Variants in PJA2 observed in about 807,000 individuals in gnomAD.
PJA2 encodes the protein E3 ubiquitin-protein ligase Praja-2.
A neutral mutation model predicts 69.3 loss-of-function variants in PJA2; 25 were observed. The ratio of observed to expected loss-of-function variants is 0.36; its 90% CI spans 0.26 to 0.50. The LOEUF (loss-of-function observed/expected upper bound fraction) is 0.50. Among genes scored for constraint, PJA2 ranks in the 20% least tolerant of loss-of-function variants. The pLI is 0.96. For missense variants in PJA2, 809 were observed against 830.2 expected, an observed-to-expected ratio of 0.97 and a Z score of 0.31; for synonymous variants, 308 against 277.8, an observed-to-expected ratio of 1.11 and a Z score of -1.08.
chr5:109,395,583 T>C (rs932060697), intron 1 of PJA2, among the ~76,000 whole-genome samples: 9 of 152,188 alleles, frequency 5.9e-5, no homozygotes, highest in East Asian at 1.9e-4. Flanking sequence ...CAGGTCTTAA[T>C]AGAAATTTCT....
intron 3 of PJA2, among the ~76,000 whole-genome samples, chr5:109,380,034 T>C (rs1010884484): frequency 1.3e-5 from 2 of 151,824 alleles, no homozygotes; most frequent in African/African-American, 4.8e-5. Context: ...TAACTGAAGT[T>C]CGGCCATGAT....
intron 6 of PJA2, 37 bp from the exon 7 acceptor site, chr5:109,356,063 C>G: frequency 7.1e-7 from 1 of 1,410,426 alleles, no homozygotes; most frequent in Non-Finnish European, 9.9e-7. Flanking sequence ...AAACTCACCA[C>G]TATGATTTGG....
rs1306309041 is a variant in PJA2 at position 109,378,494 on chromosome 5, T to C, written c.993A>G (p.Thr331=). The change falls in exon 4 of 10, where the codon ACA becomes ACG. Residue 331 remains threonine (T), a synonymous_variant. Coordinates refer to ENST00000361189, the MANE Select transcript of PJA2 (RefSeq NM_014819.5). The part of the protein sequence containing the change: ...LISSSQVDQE[T]GFNRHEAKQR... ...GTTTCGCCTCATGCCTATTAAAACC[T>C]GTTTCTTGGTCCACCTGGCTTGAAC... 3 of 1,614,070 alleles carry C rather than the reference T, an allele frequency of 1.9e-6. No homozygotes were observed. In the African/African-American group the frequency reaches 4.0e-5, roughly 22 times the overall value.
At chr5:109,370,773 C>CT (rs1400988260) in intron 4 of PJA2, among the ~76,000 whole-genome samples, 3 of 152,066 alleles carry the variant, frequency 2.0e-5, no homozygotes, top group Non-Finnish European at 4.4e-5. Context: ...ATTTTAATGT[C>CT]TTTAACAATT....
At chr5:109,343,296 AGAAAG>A (rs1762113309) in intron 9 of PJA2, among the ~76,000 whole-genome samples, 11 of 53,132 alleles carry the variant, frequency 2.1e-4, no homozygotes, top group African/African-American at 3.5e-4. Context: ...AAAAAAAGAA[AGAAAG>A]AAAGAAAGAA....
chr5:109,383,548 A>T (rs886944876), intron 1 of PJA2, 28 bp from the exon 2 acceptor site: 3 of 819,688 alleles, frequency 3.7e-6, no homozygotes, highest in African/African-American at 1.7e-5. Flanking sequence ...ATTGAACAAT[A>T]TATTAATAAA....
At chr5:109,386,780 A>C (rs561042103) in intron 1 of PJA2, among the ~76,000 whole-genome samples, 8 of 152,072 alleles carry the variant, frequency 5.3e-5, no homozygotes, top group Non-Finnish European at 1.0e-4. Flanking sequence ...AGACAAAATC[A>C]TTTTTTCTAA....
At chr5:109,380,606 G>A (rs1747019574) in intron 3 of PJA2, among the ~76,000 whole-genome samples, 1 of 151,824 alleles carries the variant, frequency 6.6e-6, no homozygotes, top group African/African-American at 2.4e-5. Context: ...TCAGGAGTTC[G>A]AGACCAGCCT....
intron 2 of PJA2, among the ~76,000 whole-genome samples, chr5:109,382,451 C>T (rs1747072172): frequency 6.6e-6 from 1 of 152,174 alleles, no homozygotes; most frequent in Non-Finnish European, 1.5e-5. Flanking sequence ...ATTATACACA[C>T]ACATATATAT....
chr5:109,379,178 G>T lies in PJA2; in HGVS notation c.309C>A (p.Pro103=). 1 of 1,613,894 alleles carries T rather than the reference G, an allele frequency of 6.2e-7. No homozygotes were observed. The highest frequency in any genetic ancestry group is 8.5e-7 in the Non-Finnish European group (1 of 1,179,940). ...TTTGATTCAATGCTGAACCACAAGT[G>T]GGAATTTCTGTTTCACTTTTTTCAA... The part of the protein sequence containing the change: ...PIFEKSETEI[P]TCGSALNQTT... The change falls in exon 4 of 10, where the codon CCC becomes CCA. Residue 103 remains proline, a synonymous_variant. Transcript: ENST00000361189.
chr5:109,341,355 A>G (rs1374855700), intron 9 of PJA2, among the ~76,000 whole-genome samples: 118 of 118,172 alleles, frequency 1.0e-3, no homozygotes, highest in Middle Eastern at 6.0e-3. Flanking sequence ...GGTGAGGAGC[A>G]TCTCTGCCCG....
chr5:109,361,975 G>A (rs376432036), intron 6 of PJA2, among the ~76,000 whole-genome samples: 21 of 152,242 alleles, frequency 1.4e-4, no homozygotes, highest in East Asian at 1.3e-3. Context: ...TAAAACATAT[G>A]TTCTGGAAAC....
intron 5 of PJA2, among the ~76,000 whole-genome samples, chr5:109,364,927 A>AC (rs1762562616): frequency 6.6e-6 from 1 of 152,202 alleles, no homozygotes. Context: ...AATTAAAACA[A>AC]CTGAAATATG....
chr5:109,385,829 C>T (rs1259742994), intron 1 of PJA2, among the ~76,000 whole-genome samples: 1 of 152,134 alleles, frequency 6.6e-6, no homozygotes, highest in Non-Finnish European at 1.5e-5. Context: ...TTTGCATATA[C>T]ATAATGAGAT....
chr5:109,391,170 A>G (rs1257492289), intron 1 of PJA2, among the ~76,000 whole-genome samples: 1 of 152,184 alleles, frequency 6.6e-6, no homozygotes, highest in Non-Finnish European at 1.5e-5. Flanking sequence ...CAAAAAATGA[A>G]AGAAACTCAC....
chr5:109,381,308 C>G (rs1747042822), intron 3 of PJA2, among the ~76,000 whole-genome samples, 195 bp downstream of exon 3: 1 of 151,960 alleles, frequency 6.6e-6, no homozygotes, highest in Non-Finnish European at 1.5e-5. Context: ...TGGCTGTATT[C>G]TATTTTCTTC....
intron 7 of PJA2, among the ~76,000 whole-genome samples, chr5:109,353,018 CT>C (rs575786743): frequency 0.017 from 550 of 31,512 alleles, no homozygotes; most frequent in African/African-American, 0.022. Context: ...ATACCTATAT[CT>C]ATAGATATCT....
rs1016286358 is a variant in PJA2 at position 109,363,050 on chromosome 5, A to G, written c.1470-28T>C. ...AGTACAAACATTTTAAAGGAAGAAAAAAATATTATTTTAAAACATACCATA... is the reference window on the plus strand; with the variant it reads ...AGTACAAACATTTTAAAGGAAGAAAGAAATATTATTTTAAAACATACCATA... On this transcript the variant is annotated intron_variant, in intron 5 of 9. Transcript: ENST00000361189. The G allele has an allele frequency of 2.6e-6, 4 of 1,529,668 alleles. No homozygotes were observed. The East Asian group carries it at 9.2e-5, about 35-fold the overall frequency. 94.8% of individuals were successfully genotyped at this position (1,529,668 alleles called of 1,614,324 possible). A position where few individuals can be genotyped will look rare whatever the true frequency, so the allele number is the denominator to read the frequency against.
At chr5:109,380,057 G>GGGT (rs1217809892) in intron 3 of PJA2, among the ~76,000 whole-genome samples, 2 of 150,202 alleles carry the variant, frequency 1.3e-5, no homozygotes, top group Non-Finnish European at 3.0e-5. Context: ...ATGGTACGAA[G>GGGT]GGTTCTTTGA....
Sources: gnomAD v4.1 joint callset for allele counts (sites outside exome capture counted in the v4.1 genomes callset) on GRCh38, gnomAD v4.1.1 for gene constraint, MANE v1.5 for transcripts, NCBI Gene and HGNC (gene_info 2026-07-23, HGNC 2026-07-21) for gene names.